The following STRIP1 variants were observed in gnomAD, a reference collection of about 807,000 sequenced individuals.
STRIP1 encodes striatin interacting protein 1, also known as striatin-interacting protein 1.
Under a neutral mutation model 106.2 loss-of-function variants are expected in STRIP1, and 63 were observed. That is an observed-to-expected ratio of 0.59 (90% CI 0.48 to 0.73). The LOEUF (loss-of-function observed/expected upper bound fraction) is 0.73. STRIP1 is among the 30% of genes least tolerant of loss of function. The pLI is 0.00. For synonymous variants in STRIP1, 390 were observed against 413.0 expected, an observed-to-expected ratio of 0.94 and a Z score of 0.67; for missense variants, 857 against 1,074.8, an observed-to-expected ratio of 0.80 and a Z score of 2.83.
In STRIP1 at chr1:110,050,329, T is replaced by C; in HGVS notation, c.1890-14T>C. 6.2e-7 allele frequency: 1 copy of C among 1,614,060 alleles called. No homozygotes were observed. Among genetic ancestry groups the C allele is most frequent in the Non-Finnish European group, 8.5e-7 (1 of 1,179,910 alleles). On this transcript the variant is annotated splice_polypyrimidine_tract_variant and intron_variant, in intron 17 of 20. Transcript: ENST00000369795. ...TTGCTCATGGTGGGCATCTGGTTCC[T>C]CTCCCCTCTGCAGCATTTCTGTCCT... is the stretch of plus-strand genomic sequence containing the variant.
chr1:110,033,245 GC>G (rs1652276945), upstream of STRIP1, among the ~76,000 whole-genome samples: 1 of 129,682 alleles, frequency 7.7e-6, no homozygotes, highest in Non-Finnish European at 1.6e-5. Flanking sequence ...CCGCCCCACT[GC>G]CACCTTTTAA....
chr1:110,045,198 G>T (rs866312847), intron 12 of STRIP1, 120 bp downstream of exon 12: 7 of 827,288 alleles, frequency 8.5e-6, no homozygotes, highest in Admixed American at 4.8e-5. Context: ...GGTAGAGGCC[G>T]GGGTGGACTT....
In STRIP1 at chr1:110,041,750, C is replaced by G; in HGVS notation, c.774C>G (p.Asn258Lys). 1.9e-6 allele frequency: 3 copies of G among 1,614,158 alleles called. No individual in the cohort carries two copies. Among genetic ancestry groups the G allele is most frequent in the Non-Finnish European group, 2.5e-6 (3 of 1,180,012 alleles). ...FRAELGSPLYNNEPFAIMLFG... is the reference protein window; with the variant it reads ...FRAELGSPLYKNEPFAIMLFG... ...CACCTCCAGGCTCCCCGCTGTACAACAATGAGCCATTTGCCATCATGCTGT... is the reference window on the plus strand; with the variant it reads ...CACCTCCAGGCTCCCCGCTGTACAAGAATGAGCCATTTGCCATCATGCTGT... The change falls in exon 8 of 21, where the codon AAC becomes AAG. Residue 258 changes from asparagine to lysine, a missense_variant. This residue lies in a region of STRIP1 where 750 missense variants were observed against 989.8 expected (regional missense o/e 0.76). Coordinates refer to ENST00000369795, the MANE Select transcript of STRIP1 (RefSeq NM_033088.4).
Position 110,050,404 on chromosome 1 carries a change from A to G in STRIP1, c.1951A>G (p.Ser651Gly). 2.5e-6 allele frequency: 4 copies of G among 1,614,078 alleles called. No individual in the cohort carries two copies. Among genetic ancestry groups the G allele is most frequent in the Non-Finnish European group, 3.4e-6 (4 of 1,179,986 alleles). ...TGAGCTGCCAGAGCTGACGGCGGAG[A>G]GTTTGGTGAGTGGCTGGGCTCTCCT... ...VHELPELTAE[S>G]LEAGDSNQFC... Residue 651 changes from serine to glycine, a missense_variant, in exon 18 of 21, where the codon AGT becomes GGT. Coordinates refer to ENST00000369795, the MANE Select transcript of STRIP1 (RefSeq NM_033088.4).
At chr1:110,042,512 T>A (rs1405710624) in intron 8 of STRIP1, among the ~76,000 whole-genome samples, 1 of 152,220 alleles carries the variant, frequency 6.6e-6, no homozygotes, top group African/African-American at 2.4e-5. Context: ...TAGGATTTCT[T>A]AAAAGTCATT....
In STRIP1 at chr1:110,038,071, AATATATATATATATATAT is replaced by A. The variant is rs3085770; in HGVS notation, c.250+136_250+153del. On this transcript the variant is annotated intron_variant, in intron 2 of 20. Coordinates refer to ENST00000369795, the MANE Select transcript of STRIP1 (RefSeq NM_033088.4). ...TTCATTGCTTTCCCTAGTTCTATCAAATATATATATATATATATATATATATATATATATATATATATG... is the reference window on the plus strand; with the variant it reads ...TTCATTGCTTTCCCTAGTTCTATCAAATATATATATATATATATATATATG... 2.8e-3 allele frequency: 364 copies of A among 130,384 alleles called. 5 individuals carry two copies. The highest frequency in any genetic ancestry group is 0.014 in the African/African-American group (319 of 22,436). The allele number at this position is 130,384 out of a possible 1,614,324, so 8.1% of individuals were successfully genotyped here.
chr1:110,047,924 C>A, intron 15 of STRIP1, 55 bp downstream of exon 15: 1 of 1,410,340 alleles, frequency 7.1e-7, no homozygotes, highest in Non-Finnish European at 9.8e-7. Flanking sequence ...TGGAGAAGGG[C>A]AAACATTTTC....
At chr1:110,042,241 G>A (rs1425987339) in intron 8 of STRIP1, among the ~76,000 whole-genome samples, 1 of 152,240 alleles carries the variant, frequency 6.6e-6, no homozygotes, top group Non-Finnish European at 1.5e-5. Context: ...AAAGGGGCAA[G>A]AGTGAGCCCT....
chr1:110,050,471 G>A, intron 18 of STRIP1, 62 bp downstream of exon 18: 1 of 1,471,462 alleles, frequency 6.8e-7, no homozygotes, highest in South Asian at 1.1e-5. Context: ...TAGAGAGCCT[G>A]CCTACCCCAA....
intron 3 of STRIP1, 82 bp from the exon 4 acceptor site, chr1:110,039,090 C>T: frequency 6.5e-7 from 1 of 1,530,426 alleles, no homozygotes; most frequent in Non-Finnish European, 9.0e-7. Context: ...TATGGCAGTC[C>T]TGAATTTGGT....
chr1:110,042,966 TGCCTGGGTCTCTATAAA>T, intron 8 of STRIP1, 105 bp from the exon 9 acceptor site: 1 of 911,722 alleles, frequency 1.1e-6, no homozygotes, highest in Non-Finnish European at 1.6e-6. Context: ...GTTCAGGAGT[TGCCTGGGTCTCTATAAA>T]GACATGGGTC....
At chr1:110,053,596 G>A in intron 20 of STRIP1, 69 bp from the exon 21 acceptor site, 16 of 1,582,566 alleles carry the variant, frequency 1.0e-5, no homozygotes, top group Non-Finnish European at 1.3e-5. Context: ...AATATTCCTG[G>A]CCAGTGAATC....
At chr1:110,050,169 C>G in intron 17 of STRIP1, 174 bp from the exon 18 acceptor site, 6 of 613,244 alleles carry the variant, frequency 9.8e-6, no homozygotes, top group Non-Finnish European at 1.8e-5. Flanking sequence ...TCTCTTGTAA[C>G]AGATATTTCC....
chr1:110,044,109 G>A (rs1029637918), intron 10 of STRIP1, among the ~76,000 whole-genome samples: 3 of 152,250 alleles, frequency 2.0e-5, no homozygotes, highest in Non-Finnish European at 4.4e-5. Flanking sequence ...GGTTAGATGT[G>A]CTAGTGAAGG....
rs1373825382 is a variant in STRIP1 at position 110,034,699 on chromosome 1, C to G, written c.62C>G (p.Pro21Arg). 6.6e-7 allele frequency: 1 copy of G among 1,512,216 alleles called. No individual in the cohort carries two copies. The highest frequency in any genetic ancestry group is 2.8e-5 in the East Asian group (1 of 35,642). The allele number at this position is 1,512,216 out of a possible 1,614,324, so 93.7% of individuals were successfully genotyped here. Reference sequence around the variant, plus strand: ...GTGAACAACAAACAGCCCCAGCCCCCGCCACCTCCGCCGCCGGCAGCCGCA... The same window carrying G: ...GTGAACAACAAACAGCCCCAGCCCCGGCCACCTCCGCCGCCGGCAGCCGCA... The part of the protein sequence containing the change: ...LIVNNKQPQP[P>R]PPPPPAAAQP... Residue 21 changes from proline to arginine, a missense_variant, in exon 1 of 21, where the codon CCG (proline) becomes CGG (arginine). Physicochemically the swap from Pro to Arg is moderately radical, Grantham distance 103 (BLOSUM62 -2). Around this residue, in one of 2 missense-constraint regions of STRIP1, gnomAD observed 107 missense variants for 85.1 expected, o/e 1.26. Coordinates refer to ENST00000369795, the MANE Select transcript of STRIP1 (RefSeq NM_033088.4).
At chr1:110,034,962 C>G (rs1159049063) in intron 1 of STRIP1, 145 bp downstream of exon 1, 1 of 823,946 alleles carries the variant, frequency 1.2e-6, no homozygotes. Flanking sequence ...GCGAAAGGAG[C>G]AGGAAGCGAG....
chr1:110,049,589 T>G (rs1570927875), intron 17 of STRIP1, 29 bp downstream of exon 17: 1 of 1,508,310 alleles, frequency 6.6e-7, no homozygotes, highest in Non-Finnish European at 9.2e-7. Context: ...CATGAAGGGG[T>G]GGATATGGTC....
At chr1:110,044,045 T>C (rs6680041) in intron 10 of STRIP1, among the ~76,000 whole-genome samples, 189 bp downstream of exon 10, 3 of 152,242 alleles carry the variant, frequency 2.0e-5, no homozygotes, top group Non-Finnish European at 4.4e-5. Context: ...CTTGCTGGTC[T>C]CACACAACAT....
chr1:110,040,199 TGA>T (rs964770555), intron 5 of STRIP1, among the ~76,000 whole-genome samples: 21 of 152,290 alleles, frequency 1.4e-4, no homozygotes, highest in African/African-American at 2.4e-4. Context: ...TTTTTGTTTT[TGA>T]GAGAGAGTCT....
Sources: allele counts gnomAD v4.1 joint callset (sites outside exome capture counted in the v4.1 genomes callset), GRCh38; gene constraint gnomAD v4.1.1; regional missense constraint gnomAD v4.1.1; transcripts MANE v1.5; gene names NCBI Gene and HGNC (gene_info 2026-07-23, HGNC 2026-07-21).